Variants in CNTN5 observed in about 807,000 individuals in gnomAD.
CNTN5 encodes contactin-5.
Under a neutral mutation model 129.1 loss-of-function variants are expected in CNTN5, and 77 were observed. The ratio of observed to expected loss-of-function variants is 0.60; its 90% CI spans 0.50 to 0.72. The LOEUF is 0.72. CNTN5 is among the 30% of genes least tolerant of loss of function. The probability of loss-of-function intolerance (pLI) is 0.00; values close to 1 mark genes in which losing one functional copy is unlikely to be tolerated. For synonymous variants in CNTN5, 509 were observed against 465.6 expected, an observed-to-expected ratio of 1.09 and a Z score of -1.20; for missense variants, 1,478 against 1,328.8, an observed-to-expected ratio of 1.11 and a Z score of -1.75.
At chr11:100,274,201 C>G (rs1950459697) in intron 18 of CNTN5, among the ~76,000 whole-genome samples, 2 of 152,120 alleles carry the variant, frequency 1.3e-5, no homozygotes, top group African/African-American at 4.8e-5. Flanking sequence ...CACTTCCTTT[C>G]ACTGTATACA....
chr11:99,757,711 T>C (rs79769297), intron 3 of CNTN5, among the ~76,000 whole-genome samples: 1,677 of 152,176 alleles, frequency 0.011, 26 homozygotes, highest in African/African-American at 0.039. Context: ...ATATCTTATG[T>C]AAACTTTGGA....
chr11:99,724,289 G>A (rs1371737923), intron 3 of CNTN5, among the ~76,000 whole-genome samples: 1 of 152,064 alleles, frequency 6.6e-6, no homozygotes, highest in Non-Finnish European at 1.5e-5. Flanking sequence ...TCTTACCAAT[G>A]TCACACATCT....
At chr11:99,224,594 A>G (rs1446279894) in intron 1 of CNTN5, among the ~76,000 whole-genome samples, 1 of 151,530 alleles carries the variant, frequency 6.6e-6, no homozygotes, top group African/African-American at 2.4e-5. Context: ...CCAGCTGGTG[A>G]GAATGATCAT....
chr11:100,149,523 T>C (rs1946976523), intron 13 of CNTN5, among the ~76,000 whole-genome samples: 2 of 152,170 alleles, frequency 1.3e-5, no homozygotes. Flanking sequence ...AAATTATATT[T>C]ATTGAATTAT....
At chr11:99,390,920 C>CT (rs1269373598) in intron 2 of CNTN5, among the ~76,000 whole-genome samples, 2 of 151,850 alleles carry the variant, frequency 1.3e-5, no homozygotes. Context: ...AATAAAACAA[C>CT]TTTTATATTT....
At chr11:99,106,487 G>T (rs1222986281) in intron 1 of CNTN5, among the ~76,000 whole-genome samples, 1 of 151,868 alleles carries the variant, frequency 6.6e-6, no homozygotes, top group African/African-American at 2.4e-5. Flanking sequence ...AATATTAAAT[G>T]GAATGTAGTT....
At position 100,014,496 on chromosome 11, in the gene CNTN5, G is replaced by A. The variant is rs548757563; in HGVS notation, c.980+12360G>A. Among the ~76,000 whole-genome samples, 149 of 152,170 alleles carry A rather than the reference G, an allele frequency of 9.8e-4. 5 individuals are homozygous for A. The South Asian group carries it at 0.027, about 28-fold the overall frequency. Reference sequence around the variant, plus strand: ...CTCAGGAGGCTGAGGCAAGAGAATCGCTTGAACCTGGGAGGCGGAGGTTGC... The same window carrying A: ...CTCAGGAGGCTGAGGCAAGAGAATCACTTGAACCTGGGAGGCGGAGGTTGC... On this transcript the variant is annotated intron_variant, in intron 9 of 24. Transcript: ENST00000524871.
chr11:99,159,175 G>A (rs963031288), intron 1 of CNTN5, among the ~76,000 whole-genome samples: 2 of 152,100 alleles, frequency 1.3e-5, no homozygotes, highest in African/African-American at 4.8e-5. Flanking sequence ...GCTGGGTTAA[G>A]TTTTAACAAA....
At chr11:99,158,741 G>A (rs536991945) in intron 1 of CNTN5, among the ~76,000 whole-genome samples, 1 of 152,116 alleles carries the variant, frequency 6.6e-6, no homozygotes, top group East Asian at 1.9e-4. Context: ...ACTATTAGAA[G>A]TGTTATCAAA....
chr11:99,589,098 A>G (rs1011715028), intron 3 of CNTN5, among the ~76,000 whole-genome samples: 23 of 152,214 alleles, frequency 1.5e-4, no homozygotes, highest in African/African-American at 5.5e-4. Flanking sequence ...GTGAAACTAT[A>G]GAAGTGCAGC....
chr11:99,372,953 A>C (rs1939917807), intron 2 of CNTN5, among the ~76,000 whole-genome samples: 1 of 152,252 alleles, frequency 6.6e-6, no homozygotes, highest in Non-Finnish European at 1.5e-5. Context: ...TCACGCCTAT[A>C]ATCCCAGCAC....
intron 9 of CNTN5, among the ~76,000 whole-genome samples, chr11:100,027,773 G>A (rs186287920): frequency 3.9e-5 from 6 of 152,276 alleles, no homozygotes; most frequent in Admixed American, 3.3e-4. Flanking sequence ...GCTGTAGAGT[G>A]AAAACTTTGT....
chr11:100,291,899 C>T (rs568305873), intron 18 of CNTN5, among the ~76,000 whole-genome samples: 1 of 150,902 alleles, frequency 6.6e-6, no homozygotes, highest in Non-Finnish European at 1.5e-5. Flanking sequence ...CAAACAACAA[C>T]AAAAAAAAGG....
intron 2 of CNTN5, among the ~76,000 whole-genome samples, chr11:99,417,427 C>G (rs925596546): frequency 3.3e-5 from 5 of 152,074 alleles, no homozygotes; most frequent in African/African-American, 1.2e-4. Context: ...TAGTATACAA[C>G]AAAACACTAT....
At chr11:100,159,825 C>CATAATCT (rs200897558) in intron 13 of CNTN5, among the ~76,000 whole-genome samples, 1,809 of 151,994 alleles carry the variant, frequency 0.012, 18 homozygotes, top group Middle Eastern at 0.031. Flanking sequence ...CCAAAATAGA[C>CATAATCT]ATAATCTAGA....
At chr11:100,153,432 A>C (rs972096140) in intron 13 of CNTN5, among the ~76,000 whole-genome samples, 1 of 152,108 alleles carries the variant, frequency 6.6e-6, no homozygotes, top group Admixed American at 6.6e-5. Flanking sequence ...ATTCCCTTTC[A>C]TCAAATATAA....
chr11:99,797,431 C>T (rs569954668), intron 3 of CNTN5, among the ~76,000 whole-genome samples: 49 of 152,200 alleles, frequency 3.2e-4, no homozygotes, highest in Admixed American at 3.3e-4. Flanking sequence ...AGCCAAAAAA[C>T]GTTAAGAAAT....
chr11:99,901,048 C>G (rs1949343333), intron 6 of CNTN5, among the ~76,000 whole-genome samples: 1 of 152,090 alleles, frequency 6.6e-6, no homozygotes, highest in African/African-American at 2.4e-5. Context: ...CATAGCTTCT[C>G]TGAGCTTCAG....
chr11:99,388,080 G>A (rs934922475), intron 2 of CNTN5, among the ~76,000 whole-genome samples: 1 of 152,052 alleles, frequency 6.6e-6, no homozygotes, highest in East Asian at 1.9e-4. Flanking sequence ...ACTCTGCAGA[G>A]AAACTTTTAT....
Sources: allele counts gnomAD v4.1 joint callset (sites outside exome capture counted in the v4.1 genomes callset), GRCh38; gene constraint gnomAD v4.1.1; transcripts MANE v1.5; gene names NCBI Gene and HGNC (gene_info 2026-07-23, HGNC 2026-07-21).